Variants in MAVS observed in about 807,000 individuals in gnomAD.
MAVS encodes the protein mitochondrial antiviral signaling protein, also known as mitochondrial antiviral-signaling protein.
A neutral mutation model predicts 30.2 loss-of-function variants in MAVS; 20 were observed. The observed-to-expected ratio is 0.66, with a 90% CI of 0.47 to 0.96. The LOEUF (loss-of-function observed/expected upper bound fraction) is 0.96. Ranked by LOEUF, MAVS falls within the 40% of genes least tolerant of loss-of-function variation. MAVS has a pLI of 0.00. For synonymous variants in MAVS, 278 were observed against 293.9 expected (o/e 0.95, Z 0.55); for missense variants, 624 against 701.1 (o/e 0.89, Z 1.24).
At chr20:3,864,200 G>T in intron 5 of MAVS, 56 bp from the exon 6 acceptor site, 2 of 1,535,756 alleles carry the variant, frequency 1.3e-6, no homozygotes, top group Non-Finnish European at 1.8e-6. Context: ...CCTTCTCCAG[G>T]CCTCAAGGTA....
chr20:3,857,859 T>G, intron 3 of MAVS, 50 bp downstream of exon 3: 1 of 1,586,198 alleles, frequency 6.3e-7, no homozygotes. Context: ...CTCCCTGGCC[T>G]CCGCTCTCCT....
rs967691138 is a variant in MAVS at position 3,873,978 on chromosome 20, C to T, written c.*7831C>T. ...AAGAATGTTTCTAACCACACGCTGA[C>T]TGTAGCCCCAAACCTGAAACAACCC... is the stretch of plus-strand genomic sequence containing the variant. On this transcript the variant is annotated 3_prime_UTR_variant, in exon 7 of 7. Coordinates refer to ENST00000428216, the MANE Select transcript of MAVS (RefSeq NM_020746.5). 2.5e-6 allele frequency: 1 copy of T among 397,022 alleles called. No individual in the cohort carries two copies. The highest frequency in any genetic ancestry group is 4.4e-6 in the Non-Finnish European group (1 of 225,780). 24.6% of individuals were successfully genotyped at this position (397,022 alleles called of 1,614,324 possible). A position where few individuals can be genotyped will look rare whatever the true frequency, so the allele number is the denominator to read the frequency against.
At position 3,864,648 on chromosome 20, in the gene MAVS, G is replaced by A. The variant is rs1022912735; in HGVS notation, c.1018G>A (p.Ala340Thr). Residue 340 changes from alanine to threonine, a missense_variant, in exon 6 of 7, where the codon GCG (alanine) becomes ACG (threonine). Ala to Thr is a moderately conservative substitution (Grantham distance 58). Transcript: ENST00000428216. ...GCCCCCTGGTGCAGTGCCTTCTAAT[G>A]CGCTCACCAATCCAGCACCATCCAA... is the stretch of plus-strand genomic sequence containing the variant. ...SKPPGAVPSN[A>T]LTNPAPSKLP... 1 of 1,614,204 alleles carries A rather than the reference G, an allele frequency of 6.2e-7. No homozygotes were observed. The highest frequency in any genetic ancestry group is 8.5e-7 in the Non-Finnish European group (1 of 1,180,038).
intron 4 of MAVS, 143 bp from the exon 5 acceptor site, chr20:3,862,111 C>T: frequency 3.4e-6 from 3 of 893,766 alleles, no homozygotes; most frequent in Non-Finnish European, 5.0e-6. Context: ...CTGGGAATTA[C>T]CAGAACCCAG....
rs889996747 is a variant in MAVS at position 3,873,835 on chromosome 20, T to A, written c.*7688T>A. 3.3e-5 allele frequency: 11 copies of A among 334,882 alleles called. No homozygotes were observed. In the Admixed American group the frequency reaches 3.9e-4, roughly 12 times the overall value. 20.7% of individuals were successfully genotyped at this position (334,882 alleles called of 1,614,324 possible). A position where few individuals can be genotyped will look rare whatever the true frequency, so the allele number is the denominator to read the frequency against. ...GTAACCTGAATGGACCAAGCTGGTG[T>A]GACCCTGTTGGAAAACTGGCAGTAT... is the stretch of plus-strand genomic sequence containing the variant. On this transcript the variant is annotated 3_prime_UTR_variant, in exon 7 of 7. Coordinates refer to ENST00000428216, the MANE Select transcript of MAVS (RefSeq NM_020746.5).
rs1043042862 is a variant in MAVS, at chr20:3,862,565, T to A, written c.625+152T>A. On this transcript the variant is annotated intron_variant, in intron 5 of 6. Transcript: ENST00000428216. ...GCAAACCAGTTCCTTAGTGGGTGTA[T>A]CAGTTAGCATTTGCTGTGTAACAAA... The A allele has an allele frequency of 4.9e-6, 4 of 811,836 alleles. No homozygotes were observed. The Admixed American group carries it at 1.5e-4, about 30-fold the overall frequency. 50.3% of individuals were successfully genotyped at this position (811,836 alleles called of 1,614,324 possible). A position where few individuals can be genotyped will look rare whatever the true frequency, so the allele number is the denominator to read the frequency against.
Position 3,870,150 on chromosome 20 carries a change from C to G in MAVS, c.*4003C>G, listed in dbSNP as rs1404151481. The stretch of plus-strand genomic sequence containing the variant: ...CAGCCAGATAATGTGGAGGTCAGAA[C>G]CCAAGGAAGGGAGTGAGACCTCCAC... On this transcript the variant is annotated 3_prime_UTR_variant, in exon 7 of 7. Coordinates refer to ENST00000428216, the MANE Select transcript of MAVS (RefSeq NM_020746.5). 2 of 152,232 alleles carry G rather than the reference C, an allele frequency of 1.3e-5. No individual in the cohort carries two copies. The highest frequency in any genetic ancestry group is 2.9e-5 in the Non-Finnish European group (2 of 68,030). The allele number at this position is 152,232 out of a possible 1,614,324, so 9.4% of individuals were successfully genotyped here. A position where few individuals can be genotyped will look rare whatever the true frequency, so the allele number is the denominator to read the frequency against.
At chr20:3,848,195 G>T (rs955125879) in intron 1 of MAVS, among the ~76,000 whole-genome samples, 1 of 151,994 alleles carries the variant, frequency 6.6e-6, no homozygotes, top group Non-Finnish European at 1.5e-5. Flanking sequence ...TGCCTCCTGG[G>T]TCTAGAGATT....
chr20:3,851,904 G>C (rs1165593618), intron 1 of MAVS, among the ~76,000 whole-genome samples: 1 of 151,864 alleles, frequency 6.6e-6, no homozygotes, highest in Non-Finnish European at 1.5e-5. Context: ...GCGATGAGCC[G>C]AGATTGTGCC....
chr20:3,861,905 C>T (rs1043408141), intron 4 of MAVS, among the ~76,000 whole-genome samples: 6 of 152,122 alleles, frequency 3.9e-5, no homozygotes, highest in Admixed American at 1.3e-4. Flanking sequence ...CCCACCACCA[C>T]GCCCAGCTAA....
intron 3 of MAVS, chr20:3,858,017 GC>G: frequency 1.6e-6 from 1 of 615,564 alleles, no homozygotes; most frequent in East Asian, 2.9e-5. Flanking sequence ...TGAGCCTCAG[GC>G]CTCTCTTCTG....
intron 1 of MAVS, among the ~76,000 whole-genome samples, chr20:3,847,676 T>C (rs1047843033): frequency 6.6e-6 from 1 of 152,222 alleles, no homozygotes; most frequent in East Asian, 1.9e-4. Flanking sequence ...GGACTAAATG[T>C]TGCTTCCACC....
chr20:3,859,107 C>T (rs6133067), intron 3 of MAVS, among the ~76,000 whole-genome samples: 44,260 of 151,648 alleles, frequency 0.29, 7,050 homozygotes, highest in African/African-American at 0.42. Context: ...TTGCTTTTCT[C>T]TCCTTTTTCC....
In MAVS at chr20:3,872,897, A is replaced by G. The variant is rs932340711; in HGVS notation, c.*6750A>G. ...CACAGAATAATACGGCAAAGACCCC[A>G]CCCGATGAGCCCCCTCCCACCACCC... On this transcript the variant is annotated 3_prime_UTR_variant, in exon 7 of 7. Transcript: ENST00000428216. The G allele has an allele frequency of 1.3e-5, 2 of 152,224 alleles. No homozygotes were observed. The highest frequency in any genetic ancestry group is 4.8e-5 in the African/African-American group (2 of 41,410). 9.4% of individuals were successfully genotyped at this position (152,224 alleles called of 1,614,324 possible). A position where few individuals can be genotyped will look rare whatever the true frequency, so the allele number is the denominator to read the frequency against.
At position 3,872,501 on chromosome 20, in the gene MAVS, G is replaced by A. The variant is rs1200743736; in HGVS notation, c.*6354G>A. On this transcript the variant is annotated 3_prime_UTR_variant, in exon 7 of 7. Transcript: ENST00000428216. ...CCCAGTGTGCCAACATCTGCCACCT[G>A]CTATAATAGTACTATAACACTCAAT... is the stretch of plus-strand genomic sequence containing the variant. 6.6e-6 allele frequency: 1 copy of A among 152,248 alleles called. No homozygotes were observed. The highest frequency in any genetic ancestry group is 2.4e-5 in the African/African-American group (1 of 41,406). The allele number at this position is 152,248 out of a possible 1,614,324, so 9.4% of individuals were successfully genotyped here.
Position 3,866,183 on chromosome 20 carries a change from C to G in MAVS, c.*36C>G, listed in dbSNP as rs767102847. On this transcript the variant is annotated 3_prime_UTR_variant, in exon 7 of 7. Coordinates refer to ENST00000428216, the MANE Select transcript of MAVS (RefSeq NM_020746.5). ...GGCTCTTCCCACCACCCATCTGTTC[C>G]GTTCCTGCAGTACACCTGGCCCCTC... 1 of 1,527,488 alleles carries G rather than the reference C, an allele frequency of 6.5e-7. No homozygotes were observed. Among genetic ancestry groups the G allele is most frequent in the Admixed American group, 1.9e-5 (1 of 51,310 alleles). The allele number at this position is 1,527,488 out of a possible 1,614,324, so 94.6% of individuals were successfully genotyped here. A position where few individuals can be genotyped will look rare whatever the true frequency, so the allele number is the denominator to read the frequency against.
At chr20:3,849,361 C>T (rs1174790082) in intron 1 of MAVS, among the ~76,000 whole-genome samples, 1 of 152,052 alleles carries the variant, frequency 6.6e-6, no homozygotes, top group African/African-American at 2.4e-5. Flanking sequence ...AGGCGCCCAC[C>T]ACCATGCTAA....
rs939714746 is a variant in MAVS, at chr20:3,867,716, A to G, written c.*1569A>G. On this transcript the variant is annotated 3_prime_UTR_variant, in exon 7 of 7. Transcript: ENST00000428216. ...CCCTTACTTTATCTTGTGCCTTGAG[A>G]AATTGCTGGGGAGAGAGGTATGTCC... The G allele has an allele frequency of 6.5e-6, 1 of 153,054 alleles. No homozygotes were observed. Among genetic ancestry groups the G allele is most frequent in the Admixed American group, 6.5e-5 (1 of 15,338 alleles). The allele number at this position is 153,054 out of a possible 1,614,324, so 9.5% of individuals were successfully genotyped here.
Position 3,871,316 on chromosome 20 carries a change from C to T in MAVS, c.*5169C>T, listed in dbSNP as rs1331259419. The stretch of plus-strand genomic sequence containing the variant: ...CATGAAGTAACAATGAGGCATCCAC[C>T]TCTTGGTTTTGTGGCCTCTGTGGAT... On this transcript the variant is annotated 3_prime_UTR_variant, in exon 7 of 7. Coordinates refer to ENST00000428216, the MANE Select transcript of MAVS (RefSeq NM_020746.5). 1 of 153,888 alleles carries T rather than the reference C, an allele frequency of 6.5e-6. No homozygotes were observed. The highest frequency in any genetic ancestry group is 1.5e-5 in the Non-Finnish European group (1 of 68,068). 9.5% of individuals were successfully genotyped at this position (153,888 alleles called of 1,614,324 possible). A position where few individuals can be genotyped will look rare whatever the true frequency, so the allele number is the denominator to read the frequency against.
Sources: allele counts gnomAD v4.1 joint callset (sites outside exome capture counted in the v4.1 genomes callset), GRCh38; gene constraint gnomAD v4.1.1; transcripts MANE v1.5; gene names NCBI Gene and HGNC (gene_info 2026-07-23, HGNC 2026-07-21).